CCT4: variants seen among roughly 807,000 people sequenced by gnomAD.
CCT4 encodes T-complex protein 1 subunit delta.
CCT4 carries 17 observed loss-of-function variants against 62.5 expected under a neutral mutation model. The observed-to-expected ratio is 0.27, with a 90% CI of 0.19 to 0.41. The LOEUF (loss-of-function observed/expected upper bound fraction) is 0.41, where lower values mean the gene tolerates loss of function less well. Ranked by LOEUF, CCT4 falls within the 10% of genes least tolerant of loss-of-function variation. The probability of loss-of-function intolerance (pLI) is 1.00; values close to 1 mark genes in which losing one functional copy is unlikely to be tolerated. For synonymous variants in CCT4, 250 were observed against 229.9 expected (o/e 1.09, Z -0.79); for missense variants, 592 against 659.2 (o/e 0.90, Z 1.12).
chr2:61,882,422 T>C (rs935408969), intron 3 of CCT4, among the ~76,000 whole-genome samples: 2 of 152,196 alleles, frequency 1.3e-5, no homozygotes, highest in African/African-American at 2.4e-5. Flanking sequence ...TGTGGACACA[T>C]GAACTGCTAT....
intron 6 of CCT4, 123 bp downstream of exon 6, chr2:61,877,270 C>T (rs184610212): frequency 6.8e-5 from 75 of 1,105,308 alleles, no homozygotes; most frequent in Middle Eastern, 2.9e-4. Context: ...CAAATTCTCA[C>T]GAAAACAAAA....
intron 3 of CCT4, 127 bp from the exon 4 acceptor site, chr2:61,880,521 G>C: frequency 1.5e-6 from 1 of 646,528 alleles, no homozygotes. Context: ...GATTTCTTCT[G>C]ATTTGTTGTC....
At position 61,888,613 on chromosome 2, in the gene CCT4, C is replaced by G; in HGVS notation, c.-106G>C. 1 of 1,354,950 alleles carries G rather than the reference C, an allele frequency of 7.4e-7. No individual in the cohort carries two copies. Among genetic ancestry groups the G allele is most frequent in the South Asian group, 1.5e-5 (1 of 68,546 alleles). 83.9% of individuals were successfully genotyped at this position (1,354,950 alleles called of 1,614,324 possible). ...AGCCCTCACTGCCTTCACGAACCTT[C>G]CAGAAAGCGGCGCCGGCGTCGGGAG... On this transcript the variant is annotated 5_prime_UTR_variant, in exon 1 of 14. Coordinates refer to ENST00000394440, the MANE Select transcript of CCT4 (RefSeq NM_006430.4).
intron 8 of CCT4, among the ~76,000 whole-genome samples, chr2:61,875,198 T>A (rs1668972285): frequency 1.3e-5 from 2 of 151,622 alleles, no homozygotes; most frequent in Non-Finnish European, 2.9e-5. Context: ...CTTTTCCAGC[T>A]TGTAACTGCA....
At chr2:61,875,811 T>A (rs1668985254) in intron 8 of CCT4, among the ~76,000 whole-genome samples, 1 of 152,174 alleles carries the variant, frequency 6.6e-6, no homozygotes, top group Non-Finnish European at 1.5e-5. Flanking sequence ...TGTTTTGAAT[T>A]TACAAGTCAT....
chr2:61,869,143 GAAAAAAAAAA>G (rs33947847), intron 13 of CCT4, among the ~76,000 whole-genome samples: 1 of 70,722 alleles, frequency 1.4e-5, no homozygotes, highest in Non-Finnish European at 2.6e-5. Flanking sequence ...CTTCGTCTCA[GAAAAAAAAAA>G]AAAAAAAAAA....
chr2:61,874,040 C>T (rs1668944078), intron 8 of CCT4, among the ~76,000 whole-genome samples: 1 of 152,072 alleles, frequency 6.6e-6, no homozygotes, highest in Admixed American at 6.5e-5. Flanking sequence ...GGAAGTGAAA[C>T]CTTATTAATA....
intron 10 of CCT4, among the ~76,000 whole-genome samples, 197 bp downstream of exon 10, chr2:61,872,805 T>G (rs897874429): frequency 6.6e-6 from 1 of 152,138 alleles, no homozygotes; most frequent in African/African-American, 2.4e-5. Flanking sequence ...CAGGCGCCTG[T>G]AGTCCCAGCT....
At chr2:61,868,737 C>G in intron 13 of CCT4, 31 bp from the exon 14 acceptor site, 1 of 1,513,504 alleles carries the variant, frequency 6.6e-7, no homozygotes, top group Non-Finnish European at 9.2e-7. Context: ...ATTTCAAAAC[C>G]TGTAATGACA....
chr2:61,876,156 A>G lies in CCT4; in HGVS notation c.856T>C (p.Leu286=), dbSNP rs780146801. 1.2e-6 allele frequency: 2 copies of G among 1,607,974 alleles called. No homozygotes were observed. Among genetic ancestry groups the G allele is most frequent in the South Asian group, 2.2e-5 (2 of 90,864 alleles). The part of the protein sequence containing the change: ...LREERAYILN[L]VKQIKKTGCN... ...CCTGTTTTTTTAATTTGCTTCACTA[A>G]ATTTAAAATATAGGCTCTCTCTTCT... is the stretch of plus-strand genomic sequence containing the variant. The change falls in exon 8 of 14, where the codon TTA becomes CTA. Residue 286 remains leucine, a synonymous_variant. Transcript: ENST00000394440.
intron 4 of CCT4, among the ~76,000 whole-genome samples, chr2:61,879,256 C>CTTTTTTTTTTTTTTTTTTTTTTTTTT (rs35373962): frequency 9.9e-6 from 1 of 101,078 alleles, no homozygotes; most frequent in Non-Finnish European, 1.8e-5. Flanking sequence ...AAATTTTATA[C>CTTTTTTTTTTTTTTTTTTTTTTTTTT]TTTTTTTTTT....
intron 4 of CCT4, 92 bp from the exon 5 acceptor site, chr2:61,879,103 G>T: frequency 1.1e-6 from 1 of 897,598 alleles, no homozygotes; most frequent in Non-Finnish European, 1.7e-6. Flanking sequence ...GTCAAAGCAA[G>T]CACAAATTTA....
intron 2 of CCT4, among the ~76,000 whole-genome samples, chr2:61,884,308 T>C (rs923846223): frequency 1.3e-5 from 2 of 151,356 alleles, no homozygotes; most frequent in Non-Finnish European, 2.9e-5. Flanking sequence ...CACTTTTTAC[T>C]TTTTTTTTGG....
intron 3 of CCT4, among the ~76,000 whole-genome samples, chr2:61,881,077 G>GT (rs746389492): frequency 5.3e-5 from 8 of 151,986 alleles, no homozygotes; most frequent in East Asian, 1.9e-4. Context: ...TAGACCCCTT[G>GT]TAAGTATAAC....
intron 4 of CCT4, among the ~76,000 whole-genome samples, chr2:61,879,335 C>T (rs112097147): frequency 6.9e-6 from 1 of 144,764 alleles, no homozygotes; most frequent in Non-Finnish European, 1.5e-5. Flanking sequence ...GATCTCAGCT[C>T]ACTACAGCCT....
chr2:61,880,306 C>A lies in CCT4; in HGVS notation c.359G>T (p.Cys120Phe), dbSNP rs1280896538. Reference protein sequence around the residue: ...VIIAGSLLDSCTKLLQKGIHP... With the variant: ...VIIAGSLLDSFTKLLQKGIHP... The stretch of plus-strand genomic sequence containing the variant: ...CCCACCTTTCTGAAGAAGCTTGGTA[C>A]AAGAATCTAAGAGGGAGCCAGCAAT... Residue 120 changes from cysteine to phenylalanine, a missense_variant, in exon 4 of 14, where the codon TGT becomes TTT. By Grantham distance (205) the Cys-to-Phe change is radical. This residue lies in a region of CCT4 where 522 missense variants were observed against 571.2 expected (regional missense o/e 0.91). Transcript: ENST00000394440. 2.5e-6 allele frequency: 4 copies of A among 1,586,132 alleles called. No individual in the cohort carries two copies. Among genetic ancestry groups the A allele is most frequent in the Non-Finnish European group, 3.4e-6 (4 of 1,166,384 alleles).
chr2:61,876,903 A>G lies in CCT4; in HGVS notation c.777+17T>C, dbSNP rs1381022584. 1.7e-5 allele frequency: 27 copies of G among 1,583,684 alleles called. No individual in the cohort carries two copies. The highest frequency in any genetic ancestry group is 2.3e-5 in the Non-Finnish European group (27 of 1,168,314). ...AAGTTAAACACAGAGAACCAATTTC[A>G]TTTGGATTCTACTTACGTCTGTTTT... On this transcript the variant is annotated intron_variant, in intron 7 of 13. Coordinates refer to ENST00000394440, the MANE Select transcript of CCT4 (RefSeq NM_006430.4).
At chr2:61,886,906 T>C (rs1461416521) in intron 1 of CCT4, among the ~76,000 whole-genome samples, 1 of 152,102 alleles carries the variant, frequency 6.6e-6, no homozygotes, top group African/African-American at 2.4e-5. Context: ...ACTACAGGCC[T>C]ACGCCAACAC....
rs749405108 is a variant in CCT4 at position 61,888,437 on chromosome 2, T to A, written c.71A>T (p.Tyr24Phe). ...GAAGGRGKGAYQDRDKPAQIR... is the reference protein window; with the variant it reads ...GAAGGRGKGAFQDRDKPAQIR... ...CTGGGCTGGCTTGTCGCGGTCCTGA[T>A]AGGCGCCTTTCCCGCGGCCGCCGGC... is the stretch of plus-strand genomic sequence containing the variant. The change falls in exon 1 of 14, where the codon TAT (tyrosine) becomes TTT (phenylalanine). Residue 24 changes from tyrosine to phenylalanine, a missense_variant. By Grantham distance (22) the Tyr-to-Phe change is conservative. Coordinates refer to ENST00000394440, the MANE Select transcript of CCT4 (RefSeq NM_006430.4). The A allele has an allele frequency of 5.0e-6, 8 of 1,612,140 alleles. No homozygotes were observed. In the African/African-American group the frequency reaches 6.7e-5, roughly 13 times the overall value.
Sources: gnomAD v4.1 joint callset for allele counts (sites outside exome capture counted in the v4.1 genomes callset) on GRCh38, gnomAD v4.1.1 for gene constraint, gnomAD v4.1.1 regional missense constraint, MANE v1.5 for transcripts, NCBI Gene and HGNC (gene_info 2026-07-23, HGNC 2026-07-21) for gene names.